The following RSPO3 variants were observed in gnomAD, a reference collection of about 807,000 sequenced individuals.
RSPO3 encodes the protein R-spondin 3.
RSPO3 carries 17 observed loss-of-function variants against 36.5 expected under a neutral mutation model. The ratio of observed to expected loss-of-function variants is 0.47; its 90% CI spans 0.32 to 0.70. The LOEUF (loss-of-function observed/expected upper bound fraction) is 0.70, where lower values mean the gene tolerates loss of function less well. Ranked by LOEUF, RSPO3 falls within the 30% of genes least tolerant of loss-of-function variation. The pLI is 0.04. For synonymous variants in RSPO3, 108 were observed against 107.0 expected (o/e 1.01, Z -0.06); for missense variants, 294 against 322.5 (o/e 0.91, Z 0.68).
At chr6:127,176,807 T>C (rs1250742049) in intron 4 of RSPO3, among the ~76,000 whole-genome samples, 1 of 151,832 alleles carries the variant, frequency 6.6e-6, no homozygotes, top group Non-Finnish European at 1.5e-5. Flanking sequence ...CTGATACCTG[T>C]TGCAAAATAT....
rs966336642 is a variant in RSPO3, at chr6:127,119,085, C to A, written c.-108C>A. ...ATGTGAGAGGAGAAGTCCCGCTGCT[C>A]GGGCACTGTCTATATACGCCTAACA... On this transcript the variant is annotated 5_prime_UTR_variant, in exon 1 of 5. Transcript: ENST00000356698. 3.8e-6 allele frequency: 3 copies of A among 795,748 alleles called. No individual in the cohort carries two copies. Among genetic ancestry groups the A allele is most frequent in the Non-Finnish European group, 4.0e-6 (2 of 502,832 alleles). The allele number at this position is 795,748 out of a possible 1,614,324, so 49.3% of individuals were successfully genotyped here. A position where few individuals can be genotyped will look rare whatever the true frequency, so the allele number is the denominator to read the frequency against.
At chr6:127,186,812 C>G (rs1775304245) in intron 4 of RSPO3, among the ~76,000 whole-genome samples, 1 of 151,848 alleles carries the variant, frequency 6.6e-6, no homozygotes, top group Non-Finnish European at 1.5e-5. Context: ...ATAATTTTTC[C>G]AGATGTCTTA....
intron 4 of RSPO3, among the ~76,000 whole-genome samples, chr6:127,171,907 G>A (rs1187810850): frequency 5.3e-5 from 8 of 151,386 alleles, no homozygotes; most frequent in South Asian, 4.2e-4. Flanking sequence ...ATTAATAAAT[G>A]GCAGATGACA....
intron 1 of RSPO3, among the ~76,000 whole-genome samples, chr6:127,133,436 T>G (rs779066846): frequency 1.2e-4 from 19 of 152,134 alleles, no homozygotes; most frequent in Non-Finnish European, 2.6e-4. Context: ...AATTTATATA[T>G]TGCTATATAA....
chr6:127,171,640 A>G (rs1774936433), intron 4 of RSPO3, among the ~76,000 whole-genome samples: 1 of 151,790 alleles, frequency 6.6e-6, no homozygotes, highest in South Asian at 2.1e-4. Context: ...CACTTTAAAC[A>G]ACATCTCTTC....
At chr6:127,121,304 G>A (rs930280717) in intron 1 of RSPO3, among the ~76,000 whole-genome samples, 3 of 152,246 alleles carry the variant, frequency 2.0e-5, no homozygotes, top group African/African-American at 4.8e-5. Context: ...CGCTGCCTCA[G>A]GGAGCTGTGG....
At chr6:127,180,255 T>C (rs910392214) in intron 4 of RSPO3, among the ~76,000 whole-genome samples, 2 of 151,678 alleles carry the variant, frequency 1.3e-5, no homozygotes, top group African/African-American at 4.8e-5. Flanking sequence ...GATCAAATTA[T>C]AGTTAACTAT....
intron 4 of RSPO3, among the ~76,000 whole-genome samples, chr6:127,173,272 T>C (rs944491321): frequency 5.3e-5 from 8 of 151,876 alleles, no homozygotes; most frequent in African/African-American, 1.2e-4. Context: ...ATTCTGATGT[T>C]TTAAAGCCAA....
In RSPO3 at chr6:127,122,212, T is replaced by C. The variant is rs117064273; in HGVS notation, c.97+2923T>C. ...ACTAGTGATCCTAGTTATTACAAACTAGTGTTTCTTCTCATAAAAGAAACA... is the reference window on the plus strand; with the variant it reads ...ACTAGTGATCCTAGTTATTACAAACCAGTGTTTCTTCTCATAAAAGAAACA... On this transcript the variant is annotated intron_variant, in intron 1 of 4. Transcript: ENST00000356698. Among the ~76,000 whole-genome samples the C allele has an allele frequency of 8.6e-3, 1,311 of 152,348 alleles. 7 individuals carry two copies. The highest frequency in any genetic ancestry group is 0.012 in the Non-Finnish European group (842 of 68,028).
chr6:127,182,303 TA>T (rs1368831327), intron 4 of RSPO3, among the ~76,000 whole-genome samples: 3 of 151,948 alleles, frequency 2.0e-5, no homozygotes, highest in Non-Finnish European at 4.4e-5. Flanking sequence ...GTCAAATATC[TA>T]AACTATAGCA....
At chr6:127,176,992 G>T (rs1775069522) in intron 4 of RSPO3, among the ~76,000 whole-genome samples, 1 of 151,642 alleles carries the variant, frequency 6.6e-6, no homozygotes, top group Non-Finnish European at 1.5e-5. Context: ...TTTTGAACTT[G>T]GTCGTTCCTT....
At chr6:127,159,000 T>C (rs1379297434) in intron 4 of RSPO3, among the ~76,000 whole-genome samples, 2 of 152,144 alleles carry the variant, frequency 1.3e-5, no homozygotes, top group African/African-American at 4.8e-5. Context: ...TATTGAAACA[T>C]CATATTTAAG....
Position 127,119,058 on chromosome 6 carries a change from G to A in RSPO3, c.-135G>A, listed in dbSNP as rs901753001. On this transcript the variant is annotated 5_prime_UTR_variant, in exon 1 of 5. Transcript: ENST00000356698. ...CGCTTGCCATCACAGCACGCCTATC[G>A]GATGTGAGAGGAGAAGTCCCGCTGC... The A allele has an allele frequency of 1.6e-6, 1 of 606,932 alleles. No homozygotes were observed. The allele number at this position is 606,932 out of a possible 1,614,324, so 37.6% of individuals were successfully genotyped here.
chr6:127,127,221 G>C (rs1050368858), intron 1 of RSPO3, among the ~76,000 whole-genome samples: 1 of 151,998 alleles, frequency 6.6e-6, no homozygotes, highest in African/African-American at 2.4e-5. Context: ...CTTAACATAT[G>C]CTCGATAAGT....
chr6:127,122,655 G>A lies in RSPO3; in HGVS notation c.97+3366G>A, dbSNP rs138780232. On this transcript the variant is annotated intron_variant, in intron 1 of 4. Transcript: ENST00000356698. ...TATTCTGGTCATAGAGAAGATATCA[G>A]GTTTATTAAGTAATAAATTAGATGG... is the stretch of plus-strand genomic sequence containing the variant. Among the ~76,000 whole-genome samples the A allele has an allele frequency of 1.3e-3, 204 of 152,200 alleles. 2 individuals are homozygous for A. In the East Asian group the frequency reaches 0.028, roughly 21 times the overall value.
chr6:127,155,180 AC>A, intron 3 of RSPO3, 60 bp from the exon 4 acceptor site: 12 of 1,527,204 alleles, frequency 7.9e-6, no homozygotes, highest in Non-Finnish European at 1.1e-5. Flanking sequence ...TCTTTTTTTA[AC>A]TCAACAATAG....
chr6:127,188,539 TG>T (rs1775343434), intron 4 of RSPO3, among the ~76,000 whole-genome samples: 2 of 152,036 alleles, frequency 1.3e-5, no homozygotes, highest in Admixed American at 1.3e-4. Flanking sequence ...AGTAGTCTAA[TG>T]GAAAATTATT....
chr6:127,177,582 T>A (rs1341029608), intron 4 of RSPO3, among the ~76,000 whole-genome samples: 1 of 151,874 alleles, frequency 6.6e-6, no homozygotes, highest in Non-Finnish European at 1.5e-5. Flanking sequence ...CTATTAGAAT[T>A]AATGATAAGG....
chr6:127,160,716 A>G (rs1582800990), intron 4 of RSPO3, among the ~76,000 whole-genome samples: 2 of 152,196 alleles, frequency 1.3e-5, no homozygotes, highest in East Asian at 3.9e-4. Context: ...GCAAACTGAC[A>G]TGGCACATTG....
Sources: gnomAD v4.1 joint callset for allele counts (sites outside exome capture counted in the v4.1 genomes callset) on GRCh38, gnomAD v4.1.1 for gene constraint, MANE v1.5 for transcripts, NCBI Gene and HGNC (gene_info 2026-07-23, HGNC 2026-07-21) for gene names.